The following NKAIN3 variants were observed in gnomAD, a reference collection of about 807,000 sequenced individuals.
NKAIN3 encodes sodium/potassium transporting ATPase interacting 3.
In NKAIN3, 25 loss-of-function variants were observed where a neutral mutation model predicts 30.2. The observed-to-expected ratio is 0.83, with a 90% CI of 0.60 to 1.16. The LOEUF (loss-of-function observed/expected upper bound fraction) is 1.16. Ranked by LOEUF, NKAIN3 falls within the 50% of genes most tolerant of loss-of-function variation. NKAIN3 has a pLI of 0.00. For synonymous variants in NKAIN3, 91 were observed against 89.6 expected (o/e 1.02, Z -0.09); for missense variants, 225 against 254.1 (o/e 0.89, Z 0.78).
At chr8:62,801,741 C>G (rs1818071138) in intron 4 of NKAIN3, among the ~76,000 whole-genome samples, 1 of 152,234 alleles carries the variant, frequency 6.6e-6, no homozygotes, top group Non-Finnish European at 1.5e-5. Context: ...CGCAGTTCCT[C>G]ACCAGCAATG....
intron 4 of NKAIN3, among the ~76,000 whole-genome samples, chr8:62,786,985 T>C (rs756810496): frequency 1.1e-4 from 17 of 152,160 alleles, no homozygotes; most frequent in East Asian, 1.9e-4. Flanking sequence ...AACCCAGGCA[T>C]TGGCAGATTT....
intron 1 of NKAIN3, among the ~76,000 whole-genome samples, chr8:62,559,141 C>T (rs1267275091): frequency 6.6e-6 from 1 of 151,960 alleles, no homozygotes; most frequent in African/African-American, 2.4e-5. Flanking sequence ...ATGTTTTCTA[C>T]TGCTTCTGGG....
intron 3 of NKAIN3, among the ~76,000 whole-genome samples, chr8:62,649,662 A>T (rs1412215153): frequency 2.0e-5 from 3 of 152,132 alleles, no homozygotes; most frequent in African/African-American, 7.2e-5. Flanking sequence ...CTGCCTCTTC[A>T]TCTTCTTTCT....
intron 1 of NKAIN3, among the ~76,000 whole-genome samples, chr8:62,445,708 TCTC>T (rs1805468243): frequency 6.6e-6 from 1 of 152,150 alleles, no homozygotes; most frequent in Admixed American, 6.5e-5. Context: ...CACTCCTTGT[TCTC>T]CTCTCCTTAG....
intron 1 of NKAIN3, among the ~76,000 whole-genome samples, chr8:62,296,547 A>G (rs943516944): frequency 1.3e-5 from 2 of 152,144 alleles, no homozygotes; most frequent in East Asian, 3.8e-4. Context: ...TTTTTTTAAA[A>G]AAAGAGATTT....
rs79103675 is a variant in NKAIN3, at chr8:62,955,022, G to C, written c.603+1050G>C. Among the ~76,000 whole-genome samples the C allele has an allele frequency of 9.1e-3, 1,387 of 152,192 alleles. 24 individuals are homozygous for C. The highest frequency in any genetic ancestry group is 0.032 in the African/African-American group (1,335 of 41,530). ...CTTGTATAATAAACACATATGAAAA[G>C]TTTCACCTGCTGCCTCTTTGCCACA... On this transcript the variant is annotated intron_variant, in intron 6 of 6. Coordinates refer to ENST00000623646, the MANE Select transcript of NKAIN3 (RefSeq NM_001304533.3).
At chr8:62,997,868 A>G (rs571759419) in intron 5 of NKAIN3, among the ~76,000 whole-genome samples, 1 of 152,280 alleles carries the variant, frequency 6.6e-6, no homozygotes, top group African/African-American at 2.4e-5. Context: ...TCATAAAAAT[A>G]AAAACTTCAA....
intron 1 of NKAIN3, among the ~76,000 whole-genome samples, chr8:62,412,569 C>A (rs1481100924): frequency 1.3e-5 from 2 of 151,994 alleles, no homozygotes; most frequent in Non-Finnish European, 2.9e-5. Flanking sequence ...ACTATCCAGA[C>A]TCTATAAGGA....
At chr8:62,925,529 C>T (rs1393815165) in intron 5 of NKAIN3, among the ~76,000 whole-genome samples, 1 of 152,094 alleles carries the variant, frequency 6.6e-6, no homozygotes, top group Non-Finnish European at 1.5e-5. Context: ...AAACTTGAGA[C>T]CAGCAAGCAG....
intron 3 of NKAIN3, among the ~76,000 whole-genome samples, chr8:62,673,007 T>C (rs945723651): frequency 1.3e-5 from 2 of 152,326 alleles, no homozygotes; most frequent in Middle Eastern, 3.4e-3. Context: ...CCCTATGTTA[T>C]CTTATTTATA....
intron 4 of NKAIN3, among the ~76,000 whole-genome samples, chr8:62,798,177 C>G (rs1321984108): frequency 1.3e-5 from 2 of 152,182 alleles, no homozygotes; most frequent in Non-Finnish European, 2.9e-5. Flanking sequence ...TTATCAGTTC[C>G]TTGCAGCACC....
chr8:62,987,633 C>T (rs989784327), downstream of NKAIN3, among the ~76,000 whole-genome samples: 4 of 152,002 alleles, frequency 2.6e-5, no homozygotes, highest in African/African-American at 9.7e-5. Flanking sequence ...TGTGACAGAC[C>T]TCCCCCCCAT....
intron 5 of NKAIN3, among the ~76,000 whole-genome samples, chr8:62,928,552 G>C (rs1268554340): frequency 1.3e-5 from 2 of 152,138 alleles, no homozygotes; most frequent in Non-Finnish European, 2.9e-5. Context: ...CCGTTTGTTT[G>C]TTCTCCTCCC....
At chr8:62,705,780 A>G (rs1266292210) in intron 3 of NKAIN3, among the ~76,000 whole-genome samples, 3 of 152,114 alleles carry the variant, frequency 2.0e-5, no homozygotes, top group African/African-American at 7.2e-5. Flanking sequence ...AGTTTTCTGC[A>G]TTAAAGCAAC....
At chr8:62,937,355 C>T (rs576221544) in intron 5 of NKAIN3, among the ~76,000 whole-genome samples, 6 of 152,258 alleles carry the variant, frequency 3.9e-5, no homozygotes, top group Non-Finnish European at 7.4e-5. Context: ...ACTGTGAGTG[C>T]CCAAAGTGTG....
intron 1 of NKAIN3, among the ~76,000 whole-genome samples, chr8:62,367,588 A>G (rs539718891): frequency 6.6e-6 from 1 of 152,294 alleles, no homozygotes; most frequent in African/African-American, 2.4e-5. Flanking sequence ...CCTTACCACA[A>G]TAAAGGTGCA....
chr8:62,294,304 G>T (rs768113993), intron 1 of NKAIN3, among the ~76,000 whole-genome samples: 1 of 152,092 alleles, frequency 6.6e-6, no homozygotes, highest in East Asian at 1.9e-4. Flanking sequence ...CATCACTTAC[G>T]CTGGGAGCTG....
intron 4 of NKAIN3, among the ~76,000 whole-genome samples, chr8:62,851,369 G>C (rs1487243334): frequency 2.0e-5 from 3 of 152,096 alleles, no homozygotes; most frequent in African/African-American, 7.2e-5. Flanking sequence ...GAGGCGATGG[G>C]GTTTTCTAGA....
chr8:62,729,040 CAA>C (rs1317282077), intron 3 of NKAIN3, among the ~76,000 whole-genome samples: 1 of 61,206 alleles, frequency 1.6e-5, no homozygotes, highest in African/African-American at 7.1e-5. Context: ...AAAAAAAAAA[CAA>C]AAAAAAAAAA....
Sources: gnomAD v4.1 joint callset for allele counts (sites outside exome capture counted in the v4.1 genomes callset) on GRCh38, gnomAD v4.1.1 for gene constraint, MANE v1.5 for transcripts, NCBI Gene and HGNC (gene_info 2026-07-23, HGNC 2026-07-21) for gene names.